MALRD1: variants seen among roughly 807,000 people sequenced by gnomAD.
The protein encoded by MALRD1 is MAM and LDL-receptor class A domain-containing protein 1.
A neutral mutation model predicts 242.1 loss-of-function variants in MALRD1; 247 were observed. That is an observed-to-expected ratio of 1.02 (90% CI 0.92 to 1.13). The LOEUF (loss-of-function observed/expected upper bound fraction) is 1.13, where lower values mean the gene tolerates loss of function less well. Among genes scored for constraint, MALRD1 ranks in the 50% most tolerant of loss-of-function variants. The probability of loss-of-function intolerance (pLI) is 0.00; values close to 1 mark genes in which losing one functional copy is unlikely to be tolerated. For missense variants in MALRD1, 2,989 were observed against 2,533.1 expected, an observed-to-expected ratio of 1.18 and a Z score of -3.86; for synonymous variants, 995 against 866.6, an observed-to-expected ratio of 1.15 and a Z score of -2.60.
At chr10:19,696,480 G>C (rs1401024197) in intron 38 of MALRD1, among the ~76,000 whole-genome samples, 2 of 152,118 alleles carry the variant, frequency 1.3e-5, no homozygotes, top group African/African-American at 4.8e-5. Context: ...ACAACCGCCT[G>C]ATGAATTCTC....
At chr10:19,491,803 G>A (rs1837506153) in intron 30 of MALRD1, among the ~76,000 whole-genome samples, 158 bp downstream of exon 30, 1 of 152,110 alleles carries the variant, frequency 6.6e-6, no homozygotes, top group African/African-American at 2.4e-5. Context: ...TTGTATACAA[G>A]TATCAAATAC....
At chr10:19,468,489 G>GT (rs1836336679) in intron 29 of MALRD1, among the ~76,000 whole-genome samples, 1 of 152,028 alleles carries the variant, frequency 6.6e-6, no homozygotes, top group Non-Finnish European at 1.5e-5. Flanking sequence ...CTTCTTTAGT[G>GT]TGAGTTATTT....
chr10:19,196,582 T>G (rs10827044), intron 14 of MALRD1, among the ~76,000 whole-genome samples: 4 of 150,956 alleles, frequency 2.6e-5, no homozygotes, highest in Admixed American at 6.6e-5. Flanking sequence ...TTTTTGTCAC[T>G]TAGATAATTT....
At chr10:19,555,658 A>G (rs979633643) in intron 32 of MALRD1, among the ~76,000 whole-genome samples, 1 of 152,168 alleles carries the variant, frequency 6.6e-6, no homozygotes, top group Non-Finnish European at 1.5e-5. Flanking sequence ...CGTCTACACC[A>G]TTGTAAAGAC....
intron 38 of MALRD1, among the ~76,000 whole-genome samples, chr10:19,719,223 C>CATACATATATATATATATATATATAT (rs1176551831): frequency 1.3e-5 from 1 of 76,444 alleles, no homozygotes; most frequent in African/African-American, 5.8e-5. Context: ...CACATACATA[C>CATACATATATATATATATATATATAT]ATATATATAT....
rs563135780 is a variant in MALRD1, at chr10:19,596,862, A to G, written c.5944+1405A>G. The stretch of plus-strand genomic sequence containing the variant: ...GGGGAAGGAGGGAGGGACAGAGAGG[A>G]GGAAGGAAGGAAGGAAGGAAAGGAA... On this transcript the variant is annotated intron_variant, in intron 34 of 39. Coordinates refer to ENST00000454679, the MANE Select transcript of MALRD1 (RefSeq NM_001142308.3). 4.8e-3 allele frequency among the ~76,000 whole-genome samples: 716 copies of G among 150,376 alleles called. 3 individuals are homozygous for G. The highest frequency in any genetic ancestry group is 8.3e-3 in the Non-Finnish European group (563 of 67,620).
chr10:19,082,076 AT>A (rs1216736554), intron 2 of MALRD1, among the ~76,000 whole-genome samples: 1 of 151,376 alleles, frequency 6.6e-6, no homozygotes, highest in African/African-American at 2.4e-5. Context: ...TGTATGACTT[AT>A]TTTTTTCTTA....
chr10:19,348,079 A>G (rs572234840), intron 25 of MALRD1, 61 bp downstream of exon 25: 8 of 1,498,188 alleles, frequency 5.3e-6, no homozygotes, highest in Non-Finnish European at 7.1e-6. Context: ...GCAAGTTTAT[A>G]AATTGACATA....
chr10:19,237,500 T>G (rs991333766), intron 18 of MALRD1, among the ~76,000 whole-genome samples: 1 of 78,884 alleles, frequency 1.3e-5, no homozygotes, highest in African/African-American at 5.5e-5. Flanking sequence ...TAGTATTTCA[T>G]TGTGTGTGTG....
chr10:19,722,239 C>CTT (rs892206515), intron 38 of MALRD1: 8 of 152,074 alleles, frequency 5.3e-5, no homozygotes, highest in Admixed American at 5.2e-4. Flanking sequence ...TAATAGAAGA[C>CTT]AGAGACAAGA....
intron 21 of MALRD1, among the ~76,000 whole-genome samples, chr10:19,293,890 A>G (rs569832672): frequency 1.9e-3 from 289 of 152,230 alleles, no homozygotes; most frequent in Admixed American, 4.2e-3. Context: ...CTGCACATGT[A>G]CCCCTGAACC....
intron 18 of MALRD1, among the ~76,000 whole-genome samples, chr10:19,244,477 G>A (rs1838950098): frequency 1.3e-5 from 2 of 152,064 alleles, no homozygotes; most frequent in South Asian, 2.1e-4. Context: ...GGCTGAGGTG[G>A]GAGGATGGCT....
intron 19 of MALRD1, among the ~76,000 whole-genome samples, chr10:19,266,089 T>C (rs181561037): frequency 5.7e-4 from 87 of 152,060 alleles, no homozygotes; most frequent in African/African-American, 2.0e-3. Flanking sequence ...TCAGTTTTAG[T>C]ATATCTGTGT....
At position 19,204,482 on chromosome 10, in the gene MALRD1, A is replaced by G. The variant is rs1836701672; in HGVS notation, c.2210+69A>G. ...CTGGTGGTGAAGTGTTTGCAGGCAT[A>G]CCTCTGCACTTATTCATTTCTGTGG... On this transcript the variant is annotated intron_variant, in intron 16 of 39. Coordinates refer to ENST00000454679, the MANE Select transcript of MALRD1 (RefSeq NM_001142308.3). 5 of 1,016,880 alleles carry G rather than the reference A, an allele frequency of 4.9e-6. No homozygotes were observed. The East Asian group carries it at 1.3e-4, about 27-fold the overall frequency. 63.0% of individuals were successfully genotyped at this position (1,016,880 alleles called of 1,614,324 possible). A position where few individuals can be genotyped will look rare whatever the true frequency, so the allele number is the denominator to read the frequency against.
chr10:19,392,353 T>G (rs1391622054), intron 28 of MALRD1, among the ~76,000 whole-genome samples: 1 of 152,182 alleles, frequency 6.6e-6, no homozygotes, highest in Non-Finnish European at 1.5e-5. Flanking sequence ...CTCCCAACCC[T>G]GAGCCCCAAG....
At chr10:19,248,867 A>G (rs1839176322) in intron 18 of MALRD1, among the ~76,000 whole-genome samples, 1 of 149,536 alleles carries the variant, frequency 6.7e-6, no homozygotes, top group Non-Finnish European at 1.5e-5. Flanking sequence ...ACTAATAGCT[A>G]TTATACAGAT....
rs1175290774 is a variant in MALRD1, at chr10:19,388,894, A to AG, written c.4688-558_4688-557insG. 1.4e-4 allele frequency among the ~76,000 whole-genome samples: 21 copies of AG among 151,524 alleles called. 1 individual carries two copies. Among genetic ancestry groups the AG allele is most frequent in the South Asian group, 1.0e-3 (5 of 4,810 alleles). On this transcript the variant is annotated intron_variant, in intron 27 of 39. Coordinates refer to ENST00000454679, the MANE Select transcript of MALRD1 (RefSeq NM_001142308.3). ...CATAGGTCTACTGAAAAAAAAAAAA[A>AG]AAAAAGAAAAACTGACCAAGGCAGG...
At chr10:19,340,734 A>G (rs1399958470) in intron 24 of MALRD1, among the ~76,000 whole-genome samples, 2 of 152,162 alleles carry the variant, frequency 1.3e-5, no homozygotes, top group African/African-American at 4.8e-5. Flanking sequence ...GTTTAAACAC[A>G]GGTTATTTCC....
At chr10:19,124,043 CAAAAA>C (rs71387044) in intron 6 of MALRD1, among the ~76,000 whole-genome samples, 1 of 87,284 alleles carries the variant, frequency 1.1e-5, no homozygotes, top group African/African-American at 4.0e-5. Flanking sequence ...TCATCTCTAC[CAAAAA>C]AAAAAAAAAA....
Sources: gnomAD v4.1 joint callset for allele counts (sites outside exome capture counted in the v4.1 genomes callset) on GRCh38, gnomAD v4.1.1 for gene constraint, MANE v1.5 for transcripts, NCBI Gene and HGNC (gene_info 2026-07-23, HGNC 2026-07-21) for gene names.